LMX1A: variants seen among roughly 807,000 people sequenced by gnomAD.
The protein encoded by LMX1A is LIM homeobox transcription factor 1 alpha.
A neutral mutation model predicts 49.1 loss-of-function variants in LMX1A; 15 were observed. The observed-to-expected ratio is 0.31, with a 90% CI of 0.20 to 0.47. The LOEUF is 0.47. Ranked by LOEUF, LMX1A falls within the 20% of genes least tolerant of loss-of-function variation. LMX1A has a pLI of 1.00. For synonymous variants in LMX1A, 167 were observed against 185.7 expected (o/e 0.90, Z 0.82); for missense variants, 372 against 475.8 (o/e 0.78, Z 2.03).
At chr1:165,257,415 A>G (rs982289880) in intron 3 of LMX1A, among the ~76,000 whole-genome samples, 8 of 150,066 alleles carry the variant, frequency 5.3e-5, no homozygotes, top group Non-Finnish European at 1.2e-4. Context: ...CACTGCAGAC[A>G]TGTAGGTAGG....
intron 3 of LMX1A, among the ~76,000 whole-genome samples, chr1:165,352,472 G>A (rs1656458237): frequency 2.6e-5 from 4 of 152,234 alleles, no homozygotes; most frequent in African/African-American, 9.6e-5. Context: ...GAAGGCGACA[G>A]TGAAAGGGCG....
At chr1:165,345,216 C>T (rs1656201443) in intron 3 of LMX1A, among the ~76,000 whole-genome samples, 1 of 152,092 alleles carries the variant, frequency 6.6e-6, no homozygotes, top group African/African-American at 2.4e-5. Context: ...ATTCCTGAGG[C>T]TTGATAGGGA....
At chr1:165,239,349 C>T (rs1652563850) in intron 4 of LMX1A, among the ~76,000 whole-genome samples, 6 of 152,082 alleles carry the variant, frequency 3.9e-5, no homozygotes, top group Admixed American at 3.3e-4. Flanking sequence ...TAAACTTTAC[C>T]CAACTCATAA....
chr1:165,226,362 G>C (rs1232261858), intron 4 of LMX1A, among the ~76,000 whole-genome samples: 1 of 152,188 alleles, frequency 6.6e-6, no homozygotes, highest in Non-Finnish European at 1.5e-5. Flanking sequence ...GCAAAATGCT[G>C]AACAGCCCTT....
intron 4 of LMX1A, among the ~76,000 whole-genome samples, chr1:165,234,470 T>A (rs143942944): frequency 6.6e-6 from 1 of 152,336 alleles, no homozygotes; most frequent in East Asian, 1.9e-4. Flanking sequence ...GTATATTTTA[T>A]TTTATTATAG....
At chr1:165,293,659 T>C (rs1654540258) in intron 3 of LMX1A, among the ~76,000 whole-genome samples, 1 of 152,234 alleles carries the variant, frequency 6.6e-6, no homozygotes, top group African/African-American at 2.4e-5. Context: ...CAGATGTTTA[T>C]TTCTCACAAT....
intron 3 of LMX1A, among the ~76,000 whole-genome samples, chr1:165,258,369 C>T (rs772055023): frequency 2.0e-5 from 3 of 152,208 alleles, no homozygotes; most frequent in Non-Finnish European, 4.4e-5. Context: ...CTCAAGGTCT[C>T]TGTCCTTGAG....
intron 3 of LMX1A, among the ~76,000 whole-genome samples, chr1:165,315,726 G>C (rs971993583): frequency 2.6e-5 from 4 of 152,144 alleles, no homozygotes; most frequent in Non-Finnish European, 5.9e-5. Flanking sequence ...AAACCATCAA[G>C]GAGGCACCAT....
chr1:165,227,544 A>AATACATATGTACATACATAC lies in LMX1A; in HGVS notation c.497-13732_497-13731insGTATGTATGTACATATGTAT, dbSNP rs571321622. Among the ~76,000 whole-genome samples the AATACATATGTACATACATAC allele has an allele frequency of 9.0e-3, 983 of 109,144 alleles. 5 individuals carry two copies. Among genetic ancestry groups the AATACATATGTACATACATAC allele is most frequent in the African/African-American group, 0.023 (679 of 29,360 alleles). The allele number at this position is 109,144 out of a possible 152,430, so 71.6% of individuals were successfully genotyped here. On this transcript the variant is annotated intron_variant, in intron 4 of 8. Transcript: ENST00000342310. ...CAACAGAGTGAGACCCTATCTCAAT[A>AATACATATGTACATACATAC]ATACATACGTACATACATACATACA...
intron 4 of LMX1A, among the ~76,000 whole-genome samples, chr1:165,230,862 G>A (rs1220231927): frequency 6.6e-6 from 1 of 152,162 alleles, no homozygotes; most frequent in Non-Finnish European, 1.5e-5. Context: ...CAGGTGGCGA[G>A]AGGAGAAAGG....
chr1:165,228,988 C>T (rs1225945291), intron 4 of LMX1A, among the ~76,000 whole-genome samples: 2 of 152,092 alleles, frequency 1.3e-5, no homozygotes, highest in Non-Finnish European at 2.9e-5. Flanking sequence ...GGTTTTTCCA[C>T]GTGTTGCATC....
At chr1:165,286,615 A>G (rs1654311443) in intron 3 of LMX1A, among the ~76,000 whole-genome samples, 1 of 152,208 alleles carries the variant, frequency 6.6e-6, no homozygotes, top group South Asian at 2.1e-4. Flanking sequence ...AGTACCAGAC[A>G]CCAGACTCTG....
intron 2 of LMX1A, 39 bp from the exon 3 acceptor site, chr1:165,353,301 G>A: frequency 6.3e-7 from 1 of 1,576,732 alleles, no homozygotes; most frequent in Non-Finnish European, 8.6e-7. Flanking sequence ...AGCAGCCCGG[G>A]CAGGTAGACC....
intron 3 of LMX1A, among the ~76,000 whole-genome samples, chr1:165,265,244 G>T (rs1383899858): frequency 6.6e-6 from 1 of 151,656 alleles, no homozygotes; most frequent in African/African-American, 2.4e-5. Flanking sequence ...GAGCCCCAGG[G>T]GTCCACCCCT....
intron 3 of LMX1A, among the ~76,000 whole-genome samples, chr1:165,274,766 A>C (rs998325955): frequency 1.2e-4 from 18 of 152,186 alleles, no homozygotes; most frequent in African/African-American, 4.3e-4. Context: ...GTAAAACGTG[A>C]AATTCCCCTA....
chr1:165,314,532 T>A (rs1655164933), intron 3 of LMX1A, among the ~76,000 whole-genome samples: 1 of 152,156 alleles, frequency 6.6e-6, no homozygotes, highest in Non-Finnish European at 1.5e-5. Flanking sequence ...CTTCTTTAGG[T>A]CTTAGCTTTG....
intron 3 of LMX1A, among the ~76,000 whole-genome samples, chr1:165,306,910 G>A (rs1288656174): frequency 6.6e-6 from 1 of 152,212 alleles, no homozygotes; most frequent in African/African-American, 2.4e-5. Context: ...CCCTGCCCAG[G>A]CAGCACATAG....
At chr1:165,219,615 A>G (rs1364494741) in intron 4 of LMX1A, among the ~76,000 whole-genome samples, 1 of 152,256 alleles carries the variant, frequency 6.6e-6, no homozygotes, top group Non-Finnish European at 1.5e-5. Context: ...CCAAGAGGCA[A>G]AAAGTGCAGT....
intron 4 of LMX1A, among the ~76,000 whole-genome samples, chr1:165,240,465 T>C (rs1183705847): frequency 6.6e-6 from 1 of 152,204 alleles, no homozygotes; most frequent in African/African-American, 2.4e-5. Flanking sequence ...ATTAAGATGT[T>C]GGCTTTGAGA....
Sources: allele counts gnomAD v4.1 joint callset (sites outside exome capture counted in the v4.1 genomes callset), GRCh38; gene constraint gnomAD v4.1.1; transcripts MANE v1.5; gene names NCBI Gene and HGNC (gene_info 2026-07-23, HGNC 2026-07-21).